Variants in FRY observed in about 807,000 individuals in gnomAD.
FRY encodes FRY microtubule binding protein.
Under a neutral mutation model 348.4 loss-of-function variants are expected in FRY, and 128 were observed. The ratio of observed to expected loss-of-function variants is 0.37; its 90% CI spans 0.32 to 0.43. The LOEUF is 0.43. FRY is among the 20% of genes least tolerant of loss of function. FRY has a pLI of 1.00. For missense variants in FRY, 2,736 were observed against 3,695.2 expected (o/e 0.74, Z 6.73); for synonymous variants, 1,370 against 1,374.7 (o/e 1.00, Z 0.08).
intron 11 of FRY, among the ~76,000 whole-genome samples, chr13:32,139,582 C>T (rs1055108549): frequency 2.0e-5 from 3 of 152,192 alleles, no homozygotes; most frequent in African/African-American, 7.2e-5. Flanking sequence ...GGTTTATTCC[C>T]AGCATTAGTC....
At chr13:32,179,503 T>TTGTGTGTGTGTGTGTGTGTGTGTGTG (rs10628771) in intron 22 of FRY, among the ~76,000 whole-genome samples, 172 bp from the exon 23 acceptor site, 11 of 137,644 alleles carry the variant, frequency 8.0e-5, no homozygotes, top group Admixed American at 6.6e-4. Flanking sequence ...TGTATTAAAT[T>TTGTGTGTGTGTGTGTGTGTGTGTGTG]TGTGTGTGTG....
At chr13:32,195,503 T>G (rs1473949399) in intron 29 of FRY, among the ~76,000 whole-genome samples, 1 of 152,208 alleles carries the variant, frequency 6.6e-6, no homozygotes, top group Non-Finnish European at 1.5e-5. Flanking sequence ...GGCTTGGGCT[T>G]CTTTCTTTGA....
intron 11 of FRY, among the ~76,000 whole-genome samples, chr13:32,137,548 A>C (rs1593655848): frequency 6.6e-6 from 1 of 152,248 alleles, no homozygotes; most frequent in East Asian, 1.9e-4. Context: ...CTAAGCATTC[A>C]CTGTTTCCAG....
intron 36 of FRY, among the ~76,000 whole-genome samples, chr13:32,221,331 G>A (rs987508886): frequency 3.3e-5 from 5 of 152,142 alleles, no homozygotes; most frequent in Non-Finnish European, 5.9e-5. Flanking sequence ...GCCTAAAGAC[G>A]ACATAGTATG....
rs923799530 is a variant in FRY at position 32,297,514 on chromosome 13, A to C, written c.*2054A>C. 1 of 152,196 alleles carries C rather than the reference A, an allele frequency of 6.6e-6. No individual in the cohort carries two copies. The highest frequency in any genetic ancestry group is 1.5e-5 in the Non-Finnish European group (1 of 68,040). The allele number at this position is 152,196 out of a possible 1,614,324, so 9.4% of individuals were successfully genotyped here. On this transcript the variant is annotated 3_prime_UTR_variant, in exon 61 of 61. Transcript: ENST00000542859. ...CTCTTAAAAAGGGAAGGAAAAAAAAAAAGGATTTCAACAGTACATTACAAT... is the reference window on the plus strand; with the variant it reads ...CTCTTAAAAAGGGAAGGAAAAAAAACAAGGATTTCAACAGTACATTACAAT...
Position 32,225,967 on chromosome 13 carries a change from C to T in FRY, c.5199C>T (p.Leu1733=). 6.2e-7 allele frequency: 1 copy of T among 1,612,504 alleles called. No individual in the cohort carries two copies. The highest frequency in any genetic ancestry group is 1.1e-5 in the South Asian group (1 of 91,046). The change falls in exon 39 of 61, where the codon CTC becomes CTT. Residue 1733 remains leucine (L), a synonymous_variant. Coordinates refer to ENST00000542859, the MANE Select transcript of FRY (RefSeq NM_023037.3). ...TVQPAYQPEY[L]YTGGFDFLRE... The stretch of plus-strand genomic sequence containing the variant: ...AGCCAGCCTACCAACCTGAATATCT[C>T]TATACAGGTAACAGAGAAGGACTGG...
chr13:32,210,832 T>C lies in FRY; in HGVS notation c.4423-34T>C, dbSNP rs775977562. ...TAGTGTTCCTGTGGACTAGGCTCTG[T>C]GAAACATCCCTTGTTTTCTTTTTTC... On this transcript the variant is annotated intron_variant, in intron 33 of 60. Transcript: ENST00000542859. The C allele has an allele frequency of 3.1e-6, 5 of 1,598,768 alleles. No individual in the cohort carries two copies. The East Asian group carries it at 6.7e-5, about 21-fold the overall frequency.
intron 28 of FRY, among the ~76,000 whole-genome samples, chr13:32,190,978 A>G (rs1883302960): frequency 6.6e-6 from 1 of 152,218 alleles, no homozygotes; most frequent in Non-Finnish European, 1.5e-5. Flanking sequence ...ATGGAGTAGA[A>G]TAGGGAGGCC....
chr13:32,107,224 G>A (rs1593620019), intron 3 of FRY, among the ~76,000 whole-genome samples: 1 of 152,210 alleles, frequency 6.6e-6, no homozygotes, highest in African/African-American at 2.4e-5. Flanking sequence ...AGACGTGGTG[G>A]CACGTGCCTG....
intron 2 of FRY, among the ~76,000 whole-genome samples, chr13:32,083,603 A>G (rs1269725060): frequency 6.6e-6 from 1 of 152,076 alleles, no homozygotes; most frequent in Non-Finnish European, 1.5e-5. Context: ...TCTGTTGCCC[A>G]GAGTTATTGC....
intron 2 of FRY, among the ~76,000 whole-genome samples, chr13:32,087,882 AT>A (rs1875987616): frequency 1.3e-5 from 2 of 152,242 alleles, no homozygotes; most frequent in Admixed American, 6.5e-5. Context: ...GGATCTTTAT[AT>A]GGCAGATCTT....
chr13:32,150,884 C>T (rs1880748175), intron 14 of FRY, among the ~76,000 whole-genome samples: 1 of 152,158 alleles, frequency 6.6e-6, no homozygotes, highest in African/African-American at 2.4e-5. Flanking sequence ...AAGGTTGCCA[C>T]GTATCTGGGA....
chr13:32,097,362 C>CTTTT (rs34054013), intron 2 of FRY, among the ~76,000 whole-genome samples: 3 of 126,494 alleles, frequency 2.4e-5, no homozygotes, highest in Non-Finnish European at 4.8e-5. Flanking sequence ...CCTTTTTTTC[C>CTTTT]TTTTTTTTTT....
At chr13:32,193,350 G>A (rs1295221657) in intron 28 of FRY, among the ~76,000 whole-genome samples, 1 of 151,588 alleles carries the variant, frequency 6.6e-6, no homozygotes, top group African/African-American at 2.4e-5. Flanking sequence ...AGTAGGAATA[G>A]ACATTGATAC....
intron 11 of FRY, among the ~76,000 whole-genome samples, chr13:32,144,208 A>C (rs1056608578): frequency 4.0e-5 from 6 of 151,376 alleles, no homozygotes; most frequent in African/African-American, 9.7e-5. Flanking sequence ...GGCAAAAAAA[A>C]ACCAAAACAA....
intron 29 of FRY, among the ~76,000 whole-genome samples, chr13:32,198,403 T>G (rs1883812653): frequency 6.6e-6 from 1 of 152,216 alleles, no homozygotes; most frequent in African/African-American, 2.4e-5. Context: ...CTTTCTACTT[T>G]TATAGGCAGA....
intron 37 of FRY, 88 bp downstream of exon 37, chr13:32,224,473 C>A: frequency 8.3e-7 from 1 of 1,200,908 alleles, no homozygotes; most frequent in African/African-American, 1.5e-5. Flanking sequence ...CCAGGTCCCA[C>A]CACATTAAAT....
At chr13:32,255,939 AAG>A (rs1449493182) in intron 51 of FRY, among the ~76,000 whole-genome samples, 9 of 152,204 alleles carry the variant, frequency 5.9e-5, no homozygotes, top group Admixed American at 2.6e-4. Context: ...CGGATGAAGC[AAG>A]AGAGGCATCA....
chr13:32,224,429 G>A (rs1262794487), intron 37 of FRY, 44 bp downstream of exon 37: 1 of 1,594,676 alleles, frequency 6.3e-7, no homozygotes, highest in Non-Finnish European at 8.6e-7. Context: ...GCTTTGACTG[G>A]ACTTTTCTAC....
Sources: allele counts gnomAD v4.1 joint callset (sites outside exome capture counted in the v4.1 genomes callset), GRCh38; gene constraint gnomAD v4.1.1; transcripts MANE v1.5; gene names NCBI Gene and HGNC (gene_info 2026-07-23, HGNC 2026-07-21).